Variants in ZNF385D observed in about 807,000 individuals in gnomAD.
The protein encoded by ZNF385D is zinc finger protein 659.
Under a neutral mutation model 35.8 loss-of-function variants are expected in ZNF385D, and 15 were observed. The ratio of observed to expected loss-of-function variants is 0.42; its 90% CI spans 0.28 to 0.64. The LOEUF (loss-of-function observed/expected upper bound fraction) is 0.64, where lower values mean the gene tolerates loss of function less well. Ranked by LOEUF, ZNF385D falls within the 30% of genes least tolerant of loss-of-function variation. ZNF385D has a pLI of 0.23. For synonymous variants in ZNF385D, 212 were observed against 186.8 expected (o/e 1.13, Z -1.10); for missense variants, 474 against 494.6 (o/e 0.96, Z 0.39).
intron 2 of ZNF385D, among the ~76,000 whole-genome samples, chr3:22,259,168 T>G (rs1700478121): frequency 6.6e-6 from 1 of 151,910 alleles, no homozygotes; most frequent in Admixed American, 6.6e-5. Flanking sequence ...AGTACTGGTT[T>G]ACAGAGTTAT....
At chr3:21,547,136 G>A (rs2062401770) in intron 3 of ZNF385D, among the ~76,000 whole-genome samples, 1 of 152,080 alleles carries the variant, frequency 6.6e-6, no homozygotes, top group Non-Finnish European at 1.5e-5. Context: ...TCACTGATAT[G>A]TAATTGTGTC....
intron 1 of ZNF385D, among the ~76,000 whole-genome samples, chr3:21,727,156 T>G (rs1181325916): frequency 1.3e-5 from 2 of 152,136 alleles, no homozygotes; most frequent in Non-Finnish European, 2.9e-5. Context: ...TCTTACACCT[T>G]ATACAAAAAT....
intron 2 of ZNF385D, among the ~76,000 whole-genome samples, chr3:22,169,279 A>T (rs765760521): frequency 8.5e-5 from 13 of 152,158 alleles, no homozygotes; most frequent in Admixed American, 2.0e-4. Flanking sequence ...TTATTACTTC[A>T]TTTAATTATC....
At chr3:21,896,686 A>G (rs552242260) in intron 3 of ZNF385D, among the ~76,000 whole-genome samples, 2 of 152,190 alleles carry the variant, frequency 1.3e-5, no homozygotes, top group African/African-American at 2.4e-5. Flanking sequence ...GCAATGATGC[A>G]TGGATATGAG....
intron 3 of ZNF385D, among the ~76,000 whole-genome samples, chr3:22,162,523 G>A (rs2125743130): frequency 6.6e-6 from 1 of 152,120 alleles, no homozygotes; most frequent in East Asian, 1.9e-4. Flanking sequence ...TACTTTCTGA[G>A]GGCAGCTCTG....
chr3:21,437,248 T>C, intron 4 of ZNF385D, 45 bp from the exon 5 acceptor site: 1 of 1,537,006 alleles, frequency 6.5e-7, no homozygotes, highest in African/African-American at 1.4e-5. Context: ...AACAATGGTA[T>C]TATCTTTCCC....
At chr3:21,487,805 T>C (rs7617195) in intron 4 of ZNF385D, among the ~76,000 whole-genome samples, 73,051 of 151,896 alleles carry the variant, frequency 0.48, 18,037 homozygotes, top group East Asian at 0.63. Flanking sequence ...TTCCTTTGTA[T>C]TATATCTTTA....
intron 4 of ZNF385D, among the ~76,000 whole-genome samples, chr3:21,494,910 G>T (rs981818036): frequency 6.6e-6 from 1 of 152,126 alleles, no homozygotes; most frequent in African/African-American, 2.4e-5. Flanking sequence ...AACAATATCT[G>T]TGTCCCCGTC....
At chr3:22,258,845 T>G (rs540706433) in intron 2 of ZNF385D, among the ~76,000 whole-genome samples, 16 of 151,988 alleles carry the variant, frequency 1.1e-4, no homozygotes, top group Admixed American at 9.2e-4. Flanking sequence ...CATTGTTTTA[T>G]AGTTGTGAAA....
intron 3 of ZNF385D, among the ~76,000 whole-genome samples, chr3:22,068,351 C>G (rs1488397044): frequency 6.6e-6 from 1 of 151,968 alleles, no homozygotes; most frequent in African/African-American, 2.4e-5. Context: ...TACACTTTAC[C>G]GCCTGTCCCT....
intron 1 of ZNF385D, among the ~76,000 whole-genome samples, chr3:21,722,736 C>G (rs998273996): frequency 7.9e-5 from 12 of 152,212 alleles, no homozygotes; most frequent in African/African-American, 2.9e-4. Context: ...TCCTCTTCTC[C>G]ATGTTTCAAA....
At chr3:22,188,986 C>G (rs763096018) in intron 2 of ZNF385D, among the ~76,000 whole-genome samples, 1 of 152,108 alleles carries the variant, frequency 6.6e-6, no homozygotes, top group Non-Finnish European at 1.5e-5. Context: ...TGATTTAGAG[C>G]AAGTTCTCTT....
chr3:22,038,131 G>C (rs1698450976), intron 3 of ZNF385D, among the ~76,000 whole-genome samples: 1 of 152,134 alleles, frequency 6.6e-6, no homozygotes, highest in Non-Finnish European at 1.5e-5. Flanking sequence ...CTCCATCTGG[G>C]TTTATTTGGC....
chr3:21,771,345 T>C (rs918637606), intron 3 of ZNF385D, among the ~76,000 whole-genome samples: 1 of 151,066 alleles, frequency 6.6e-6, no homozygotes, highest in East Asian at 2.0e-4. Context: ...AAGAAATAAA[T>C]ATATAATACA....
At chr3:21,856,785 T>C (rs567975362) in intron 3 of ZNF385D, among the ~76,000 whole-genome samples, 13 of 152,202 alleles carry the variant, frequency 8.5e-5, no homozygotes, top group South Asian at 4.1e-4. Context: ...AACCAGCTCA[T>C]AGGTGCTCAA....
At chr3:22,195,958 T>C (rs1696385141) in intron 2 of ZNF385D, among the ~76,000 whole-genome samples, 1 of 152,024 alleles carries the variant, frequency 6.6e-6, no homozygotes, top group African/African-American at 2.4e-5. Context: ...CATTTATAAG[T>C]GTGACCTAAA....
chr3:22,251,554 C>T (rs1379491833), intron 2 of ZNF385D, among the ~76,000 whole-genome samples: 1 of 152,208 alleles, frequency 6.6e-6, no homozygotes, highest in Non-Finnish European at 1.5e-5. Flanking sequence ...GCACTATTGA[C>T]ATTTTGGTGG....
intron 3 of ZNF385D, among the ~76,000 whole-genome samples, chr3:22,058,329 C>T (rs1254110961): frequency 2.0e-5 from 3 of 152,172 alleles, no homozygotes; most frequent in Non-Finnish European, 2.9e-5. Flanking sequence ...TTCAACAAGC[C>T]GCCCCTATTG....
At chr3:21,765,722 C>CAGAGAGAGAGACAG (rs149537086) in intron 3 of ZNF385D, among the ~76,000 whole-genome samples, 1 of 151,378 alleles carries the variant, frequency 6.6e-6, no homozygotes, top group Non-Finnish European at 1.5e-5. Context: ...CATACACACA[C>CAGAGAGAGAGACAG]AGAGAGAGAA....
Sources: gnomAD v4.1 joint callset for allele counts (sites outside exome capture counted in the v4.1 genomes callset) on GRCh38, gnomAD v4.1.1 for gene constraint, MANE v1.5 for transcripts, NCBI Gene and HGNC (gene_info 2026-07-23, HGNC 2026-07-21) for gene names.